Variants in WWP2 observed in about 807,000 individuals in gnomAD.
WWP2 encodes the protein NEDD4-like E3 ubiquitin-protein ligase WWP2.
WWP2 carries 57 observed loss-of-function variants against 121.0 expected under a neutral mutation model. The observed-to-expected ratio is 0.47, with a 90% CI of 0.38 to 0.59. The LOEUF is 0.59. WWP2 is among the 20% of genes least tolerant of loss of function. The pLI is 0.00. For missense variants in WWP2, 962 were observed against 1,158.9 expected (o/e 0.83, Z 2.47); for synonymous variants, 449 against 441.3 (o/e 1.02, Z -0.22).
intron 4 of WWP2, among the ~76,000 whole-genome samples, chr16:69,826,301 C>T (rs1449186069): frequency 2.0e-5 from 3 of 150,814 alleles, no homozygotes; most frequent in African/African-American, 4.9e-5. Flanking sequence ...GGCGCAGTGG[C>T]TTATGCCTGT....
intron 6 of WWP2, among the ~76,000 whole-genome samples, chr16:69,843,039 A>C (rs1368169311): frequency 6.6e-6 from 1 of 152,140 alleles, no homozygotes; most frequent in Non-Finnish European, 1.5e-5. Flanking sequence ...TCCTTGATGA[A>C]GATTGGGACT....
At chr16:69,934,331 C>T (rs935276455) in intron 17 of WWP2, among the ~76,000 whole-genome samples, 3 of 152,148 alleles carry the variant, frequency 2.0e-5, no homozygotes, top group Admixed American at 6.5e-5. Context: ...GGCTCACCCT[C>T]TCGGGGCTCC....
At chr16:69,931,962 C>T in intron 16 of WWP2, 72 bp downstream of exon 16, 4 of 1,395,864 alleles carry the variant, frequency 2.9e-6, no homozygotes, top group Non-Finnish European at 4.0e-6. Context: ...GGCCAGAAAG[C>T]TGCCTGCCCC....
chr16:69,906,423 C>T (rs549088105), intron 8 of WWP2, among the ~76,000 whole-genome samples: 86 of 152,294 alleles, frequency 5.6e-4, no homozygotes, highest in Non-Finnish European at 1.1e-3. Flanking sequence ...ATGCAGTCCA[C>T]TAACCAGACA....
intron 6 of WWP2, among the ~76,000 whole-genome samples, chr16:69,862,877 C>T (rs934733421): frequency 6.6e-6 from 1 of 151,928 alleles, no homozygotes; most frequent in African/African-American, 2.4e-5. Flanking sequence ...AGGCACTTGC[C>T]ACTATACCTG....
Position 69,937,224 on chromosome 16 carries a change from G to C in WWP2, c.2224G>C (p.Glu742Gln). The C allele has an allele frequency of 6.2e-7, 1 of 1,613,674 alleles. No individual in the cohort carries two copies. The highest frequency in any genetic ancestry group is 1.1e-5 in the South Asian group (1 of 90,990). Residue 742 changes from glutamate to glutamine, a missense_variant, in exon 20 of 24, where the codon GAG becomes CAG. This residue lies in a region of WWP2 where 606 missense variants were observed against 772.6 expected (regional missense o/e 0.78). Coordinates refer to ENST00000359154, the MANE Select transcript of WWP2 (RefSeq NM_001270454.2). The surrounding 1 kb of genome is among the most constrained non-coding windows in gnomAD (Gnocchi z 6.6). ...APLEWLRYFDEKELELMLCGM... is the reference protein window; with the variant it reads ...APLEWLRYFDQKELELMLCGM... The stretch of plus-strand genomic sequence containing the variant: ...GCTGGAGTGGCTGCGCTACTTTGAC[G>C]AGAAAGAGCTGGAGGTGAGTGTCTG...
intron 18 of WWP2, 21 bp from the exon 19 acceptor site, chr16:69,936,291 C>T (rs778736168): frequency 6.2e-7 from 1 of 1,614,050 alleles, no homozygotes; most frequent in Non-Finnish European, 8.5e-7. Context: ...CATCTCCCCA[C>T]TTGGTCTCCT....
At chr16:69,875,515 G>A (rs889088363) in intron 7 of WWP2, among the ~76,000 whole-genome samples, 3 of 152,214 alleles carry the variant, frequency 2.0e-5, no homozygotes, top group African/African-American at 7.2e-5. Context: ...TTTAGCAACA[G>A]TAGAAAATCT....
chr16:69,785,437 G>A (rs1457184775), intron 1 of WWP2, among the ~76,000 whole-genome samples: 1 of 152,034 alleles, frequency 6.6e-6, no homozygotes, highest in Non-Finnish European at 1.5e-5. Flanking sequence ...GTGATTTTTG[G>A]ATATTGCATA....
chr16:69,797,890 GA>G (rs113856240), intron 2 of WWP2, among the ~76,000 whole-genome samples: 67,604 of 145,224 alleles, frequency 0.47, 16,302 homozygotes, highest in African/African-American at 0.63. Flanking sequence ...CTCTATCTCA[GA>G]AAAAAAAAAA....
intron 4 of WWP2, among the ~76,000 whole-genome samples, chr16:69,812,578 G>A (rs889884107): frequency 2.7e-5 from 4 of 150,126 alleles, no homozygotes; most frequent in African/African-American, 4.9e-5. Context: ...TCCTGGGCTC[G>A]AGGAATCCTC....
In WWP2 at chr16:69,769,316, C is replaced by CAAA. The variant is rs1186524809; in HGVS notation, c.-16+6945_-16+6947dup. Among the ~76,000 whole-genome samples, 126 of 76,314 alleles carry CAAA rather than the reference C, an allele frequency of 1.7e-3. No individual in the cohort carries two copies. In the East Asian group the frequency reaches 0.028, roughly 17 times the overall value. 50.1% of individuals were successfully genotyped at this position (76,314 alleles called of 152,430 possible). A position where few individuals can be genotyped will look rare whatever the true frequency, so the allele number is the denominator to read the frequency against. On this transcript the variant is annotated intron_variant, in intron 1 of 23. Transcript: ENST00000359154. ...TGGGTGACAGAGCAAGACTCCATCT[C>CAAA]AAAAAAAAAAAAAAAAAAAAAATAG...
intron 4 of WWP2, among the ~76,000 whole-genome samples, chr16:69,800,568 CT>C (rs11308765): frequency 0.45 from 63,284 of 139,526 alleles, 14,644 homozygotes; most frequent in African/African-American, 0.61. Context: ...ATTGTTTTTT[CT>C]TTTTTTTTTT....
At chr16:69,850,386 C>CAAA (rs575466932) in intron 6 of WWP2, among the ~76,000 whole-genome samples, 13 of 118,512 alleles carry the variant, frequency 1.1e-4, no homozygotes, top group East Asian at 5.0e-4. Flanking sequence ...GACTCCATCT[C>CAAA]AAAAAAAAAA....
At chr16:69,914,320 G>A (rs2058447829) in intron 9 of WWP2, among the ~76,000 whole-genome samples, 1 of 151,988 alleles carries the variant, frequency 6.6e-6, no homozygotes, top group Admixed American at 6.6e-5. Context: ...CTCACCCCAA[G>A]GCTCATCTGA....
intron 8 of WWP2, among the ~76,000 whole-genome samples, chr16:69,892,104 C>T (rs186850648): frequency 7.2e-5 from 11 of 152,314 alleles, no homozygotes; most frequent in Admixed American, 2.6e-4. Context: ...CACATATGCA[C>T]CTAGCCTGGC....
intron 9 of WWP2, among the ~76,000 whole-genome samples, chr16:69,916,977 A>G (rs1367214746): frequency 1.3e-5 from 2 of 152,236 alleles, no homozygotes; most frequent in Admixed American, 1.3e-4. Context: ...CAGTCTGGGC[A>G]ACATGGCGAA....
intron 4 of WWP2, among the ~76,000 whole-genome samples, chr16:69,805,181 A>G (rs1180114620): frequency 6.6e-6 from 1 of 151,988 alleles, no homozygotes; most frequent in African/African-American, 2.4e-5. Context: ...CTGGGATTAC[A>G]GGCGCCCAAC....
chr16:69,936,061 CTTTAT>C, intron 18 of WWP2, 75 bp downstream of exon 18: 1 of 1,570,892 alleles, frequency 6.4e-7, no homozygotes, highest in South Asian at 1.2e-5. Flanking sequence ...TACTGATGGC[CTTTAT>C]TTTGTCTGCC....
Sources: allele counts gnomAD v4.1 joint callset (sites outside exome capture counted in the v4.1 genomes callset), GRCh38; gene constraint gnomAD v4.1.1; regional missense constraint gnomAD v4.1.1; non-coding constraint Gnocchi (gnomAD v3.1); transcripts MANE v1.5; gene names NCBI Gene and HGNC (gene_info 2026-07-23, HGNC 2026-07-21).